The following NALF1 variants were observed in gnomAD, a reference collection of about 807,000 sequenced individuals.
The protein encoded by NALF1 is family with sequence similarity 155 member A.
Under a neutral mutation model 48.4 loss-of-function variants are expected in NALF1, and 3 were observed. The observed-to-expected ratio is 0.06, with a 90% CI of 0.03 to 0.16. The LOEUF is 0.16. NALF1 is among the 10% of genes least tolerant of loss of function. The pLI is 1.00. For missense variants in NALF1, 526 were observed against 571.5 expected (o/e 0.92, Z 0.81); for synonymous variants, 262 against 245.7 (o/e 1.07, Z -0.62).
intron 1 of NALF1, among the ~76,000 whole-genome samples, chr13:107,563,979 T>C (rs138712571): frequency 1.1e-3 from 167 of 152,308 alleles, no homozygotes; most frequent in African/African-American, 3.8e-3. Flanking sequence ...TTTACAAGGA[T>C]CTATAAACAT....
chr13:107,554,140 T>C (rs1877383026), intron 1 of NALF1, among the ~76,000 whole-genome samples: 1 of 152,210 alleles, frequency 6.6e-6, no homozygotes, highest in African/African-American at 2.4e-5. Context: ...GTAGGGTTCC[T>C]GATGTATGGC....
chr13:107,837,618 G>A (rs1334995594), intron 1 of NALF1, among the ~76,000 whole-genome samples: 2 of 152,110 alleles, frequency 1.3e-5, no homozygotes, highest in African/African-American at 4.8e-5. Flanking sequence ...ATCAAAGCTT[G>A]AGTGACACAA....
intron 1 of NALF1, among the ~76,000 whole-genome samples, chr13:107,609,201 A>AG (rs1455020188): frequency 1.3e-5 from 2 of 152,214 alleles, no homozygotes; most frequent in African/African-American, 4.8e-5. Context: ...CTAGAAGGCC[A>AG]GAGGGGCTGT....
intron 1 of NALF1, among the ~76,000 whole-genome samples, chr13:107,299,732 G>C (rs1175296230): frequency 2.6e-5 from 4 of 151,282 alleles, no homozygotes; most frequent in African/African-American, 9.7e-5. Flanking sequence ...TTATGTATTT[G>C]AATAACGTTG....
chr13:107,754,310 A>T (rs1008775285), intron 1 of NALF1, among the ~76,000 whole-genome samples: 2 of 151,930 alleles, frequency 1.3e-5, no homozygotes, highest in African/African-American at 4.8e-5. Flanking sequence ...AAAGCCAAAA[A>T]GGGAATACCA....
intron 1 of NALF1, among the ~76,000 whole-genome samples, chr13:107,404,936 T>A (rs1883874298): frequency 6.6e-6 from 1 of 152,108 alleles, no homozygotes; most frequent in African/African-American, 2.4e-5. Context: ...CCTATGACAG[T>A]AAAGTTGCAA....
At chr13:107,676,818 C>A (rs1881139405) in intron 1 of NALF1, among the ~76,000 whole-genome samples, 1 of 151,754 alleles carries the variant, frequency 6.6e-6, no homozygotes, top group Middle Eastern at 3.4e-3. Flanking sequence ...TGTTGTAAGC[C>A]TACAAAACTA....
intron 1 of NALF1, among the ~76,000 whole-genome samples, chr13:107,408,800 T>A (rs575524898): frequency 2.0e-5 from 3 of 152,174 alleles, no homozygotes; most frequent in Admixed American, 2.0e-4. Context: ...TAGGGGGAGA[T>A]TGTTATGGAG....
chr13:107,266,453 C>T (rs1048514875), intron 1 of NALF1, among the ~76,000 whole-genome samples: 9 of 152,182 alleles, frequency 5.9e-5, no homozygotes, highest in African/African-American at 2.2e-4. Context: ...CGCAAACATT[C>T]ATTTCCTTTT....
intron 1 of NALF1, among the ~76,000 whole-genome samples, chr13:107,627,685 G>C (rs542970289): frequency 6.6e-6 from 1 of 152,208 alleles, no homozygotes; most frequent in African/African-American, 2.4e-5. Flanking sequence ...AAAGTCAAAT[G>C]GAGAGAGAAC....
In NALF1 at chr13:107,611,662, C is replaced by T. The variant is rs77111194; in HGVS notation, c.915+254020G>A. ...TGGAGAGGCAGAGGTGGGAGGATTG[C>T]TTGAGGCCAGGAGTTCAAGACCAGT... On this transcript the variant is annotated intron_variant, in intron 1 of 2. Transcript: ENST00000375915. 3.3e-5 allele frequency among the ~76,000 whole-genome samples: 5 copies of T among 151,844 alleles called. No homozygotes were observed. The East Asian group carries it at 9.7e-4, about 30-fold the overall frequency.
intron 1 of NALF1, among the ~76,000 whole-genome samples, chr13:107,843,751 C>T (rs556652712): frequency 6.6e-6 from 1 of 152,112 alleles, no homozygotes; most frequent in African/African-American, 2.4e-5. Context: ...GACCAAAAAT[C>T]AGTGAAAGAA....
At chr13:107,478,732 A>G (rs948915574) in intron 1 of NALF1, among the ~76,000 whole-genome samples, 1 of 151,254 alleles carries the variant, frequency 6.6e-6, no homozygotes, top group African/African-American at 2.4e-5. Context: ...TGTTTTTATA[A>G]TTTTTTTTTG....
intron 1 of NALF1, among the ~76,000 whole-genome samples, chr13:107,365,658 A>G (rs150662880): frequency 6.6e-6 from 1 of 152,312 alleles, no homozygotes; most frequent in East Asian, 1.9e-4. Flanking sequence ...AGACATTTTG[A>G]CTAATAAGTA....
intron 1 of NALF1, among the ~76,000 whole-genome samples, chr13:107,380,733 C>G (rs1883420617): frequency 6.6e-6 from 1 of 152,048 alleles, no homozygotes; most frequent in Non-Finnish European, 1.5e-5. Flanking sequence ...AATCCCAGCA[C>G]TTTGGGAGGC....
At chr13:107,261,775 TG>T (rs1172868932) in intron 1 of NALF1, among the ~76,000 whole-genome samples, 1 of 152,216 alleles carries the variant, frequency 6.6e-6, no homozygotes, top group Non-Finnish European at 1.5e-5. Flanking sequence ...GAGATGAACC[TG>T]CCTCTAGATT....
chr13:107,460,076 T>C (rs1441706249), intron 1 of NALF1, among the ~76,000 whole-genome samples: 4 of 152,258 alleles, frequency 2.6e-5, no homozygotes, highest in Non-Finnish European at 5.9e-5. Flanking sequence ...TTTCTGTGCA[T>C]GTGAACTGAA....
chr13:107,550,633 G>C (rs895791315), intron 1 of NALF1, among the ~76,000 whole-genome samples: 1 of 151,974 alleles, frequency 6.6e-6, no homozygotes, highest in Admixed American at 6.6e-5. Context: ...ATACTAAAAG[G>C]GGTTTCTGAA....
At chr13:107,678,448 G>A (rs1162793288) in intron 1 of NALF1, among the ~76,000 whole-genome samples, 1 of 152,228 alleles carries the variant, frequency 6.6e-6, no homozygotes, top group African/African-American at 2.4e-5. Context: ...TGAGAAGTGA[G>A]CAGGGGTGTC....
Sources: gnomAD v4.1 joint callset for allele counts (sites outside exome capture counted in the v4.1 genomes callset) on GRCh38, gnomAD v4.1.1 for gene constraint, MANE v1.5 for transcripts, NCBI Gene and HGNC (gene_info 2026-07-23, HGNC 2026-07-21) for gene names.